The following WWC2 variants were observed in gnomAD, a reference collection of about 807,000 sequenced individuals.
WWC2 encodes the protein WW and C2 domain containing 2.
WWC2 carries 101 observed loss-of-function variants against 138.5 expected under a neutral mutation model. The observed-to-expected ratio is 0.73, with a 90% CI of 0.62 to 0.86. The LOEUF is 0.86. Among genes scored for constraint, WWC2 ranks in the 40% least tolerant of loss-of-function variants. WWC2 has a pLI of 0.00. For synonymous variants in WWC2, 558 were observed against 538.4 expected (o/e 1.04, Z -0.50); for missense variants, 1,420 against 1,419.4 (o/e 1.00, Z -0.01).
intron 1 of WWC2, among the ~76,000 whole-genome samples, chr4:183,156,826 C>T (rs1171941428): frequency 6.6e-6 from 1 of 152,164 alleles, no homozygotes; most frequent in Non-Finnish European, 1.5e-5. Flanking sequence ...CTCATTTACC[C>T]TTTACCCAGA....
chr4:183,277,587 A>G (rs1257883071), intron 16 of WWC2, among the ~76,000 whole-genome samples: 2 of 144,184 alleles, frequency 1.4e-5, no homozygotes, highest in Non-Finnish European at 3.1e-5. Flanking sequence ...ACTAGTTTAC[A>G]GTCCCACCAA....
intron 21 of WWC2, among the ~76,000 whole-genome samples, chr4:183,290,366 A>G (rs1490287040): frequency 6.6e-6 from 1 of 152,068 alleles, no homozygotes; most frequent in Non-Finnish European, 1.5e-5. Context: ...AATATTTAAA[A>G]AATTAGCTGG....
At chr4:183,268,840 G>A (rs1737596313) in intron 14 of WWC2, 131 bp from the exon 15 acceptor site, 2 of 1,030,870 alleles carry the variant, frequency 1.9e-6, no homozygotes, top group Non-Finnish European at 2.8e-6. Flanking sequence ...CGTGATGGCA[G>A]CAACACTTTA....
intron 1 of WWC2, among the ~76,000 whole-genome samples, chr4:183,183,335 TC>T (rs913406167): frequency 1.6e-4 from 25 of 152,172 alleles, no homozygotes; most frequent in African/African-American, 6.0e-4. Context: ...CCTAACAGTC[TC>T]CCTTCCCCCA....
intron 1 of WWC2, among the ~76,000 whole-genome samples, chr4:183,113,339 C>T (rs569702205): frequency 6.6e-6 from 1 of 151,780 alleles, no homozygotes; most frequent in East Asian, 2.0e-4. Context: ...AAAGTAATTG[C>T]TTTCAATGCA....
chr4:183,165,612 T>G (rs1209909111), intron 1 of WWC2, among the ~76,000 whole-genome samples: 1 of 152,196 alleles, frequency 6.6e-6, no homozygotes, highest in Non-Finnish European at 1.5e-5. Context: ...TCCTGTTACA[T>G]AAATGCTACA....
intron 2 of WWC2, among the ~76,000 whole-genome samples, chr4:183,200,940 T>A (rs939016564): frequency 2.6e-5 from 4 of 152,220 alleles, no homozygotes; most frequent in Non-Finnish European, 5.9e-5. Context: ...GAGATGAGGA[T>A]TATTGGGAGT....
intron 2 of WWC2, among the ~76,000 whole-genome samples, chr4:183,196,275 C>T (rs1031320908): frequency 1.3e-5 from 2 of 152,116 alleles, no homozygotes; most frequent in Non-Finnish European, 2.9e-5. Context: ...CTAATACACC[C>T]TACAAACTAT....
chr4:183,221,647 A>C (rs1437901168), intron 4 of WWC2, among the ~76,000 whole-genome samples: 1 of 152,224 alleles, frequency 6.6e-6, no homozygotes, highest in African/African-American at 2.4e-5. Context: ...CTTCTCAATA[A>C]TTCATTGGCC....
At chr4:183,252,800 G>A (rs185022604) in intron 8 of WWC2, among the ~76,000 whole-genome samples, 175 of 152,322 alleles carry the variant, frequency 1.1e-3, no homozygotes, top group Non-Finnish European at 2.1e-3. Flanking sequence ...CTCACATGCA[G>A]CTTAAGGAGA....
chr4:183,132,644 G>T (rs937152877), intron 1 of WWC2, among the ~76,000 whole-genome samples: 1 of 151,800 alleles, frequency 6.6e-6, no homozygotes, highest in Non-Finnish European at 1.5e-5. Flanking sequence ...TAGTAGAGAC[G>T]GGGTTTCACC....
At chr4:183,306,345 T>C (rs527256322) in intron 21 of WWC2, among the ~76,000 whole-genome samples, 136 of 152,168 alleles carry the variant, frequency 8.9e-4, no homozygotes, top group African/African-American at 3.2e-3. Context: ...TTTGTCAGAG[T>C]TGATCAAAAA....
intron 1 of WWC2, among the ~76,000 whole-genome samples, chr4:183,149,620 C>CAACAAGAG: frequency 7.9e-6 from 1 of 126,482 alleles, no homozygotes; most frequent in South Asian, 2.8e-4. Context: ...GAAACTCTGT[C>CAACAAGAG]TAAAAAAAAA....
chr4:183,256,896 C>T (rs369282706), intron 9 of WWC2, among the ~76,000 whole-genome samples: 8 of 104,594 alleles, frequency 7.6e-5, no homozygotes, highest in East Asian at 3.3e-4. Flanking sequence ...CCCCCCCCCC[C>T]CCCCCCCGGC....
chr4:183,146,279 C>T (rs1016092050), intron 1 of WWC2, among the ~76,000 whole-genome samples: 3 of 152,038 alleles, frequency 2.0e-5, no homozygotes, highest in African/African-American at 4.8e-5. Flanking sequence ...TCATTTTCAT[C>T]GTCGGCTTTA....
At chr4:183,210,591 C>A (rs1337242898) in intron 4 of WWC2, among the ~76,000 whole-genome samples, 3 of 152,136 alleles carry the variant, frequency 2.0e-5, no homozygotes, top group Non-Finnish European at 4.4e-5. Context: ...AAAATACAAC[C>A]ATGGCTCACT....
intron 17 of WWC2, chr4:183,281,150 G>T: frequency 4.4e-6 from 2 of 450,896 alleles, no homozygotes; most frequent in Non-Finnish European, 7.4e-6. Context: ...ACTATTTTCT[G>T]AGCCTTTTTT....
intron 14 of WWC2, 102 bp from the exon 15 acceptor site, chr4:183,268,869 C>A: frequency 8.1e-7 from 1 of 1,228,026 alleles, no homozygotes; most frequent in Non-Finnish European, 1.1e-6. Context: ...TTGAACTCCA[C>A]GATCCCTCAT....
chr4:183,214,275 T>A (rs529865809), intron 4 of WWC2, among the ~76,000 whole-genome samples: 238 of 152,304 alleles, frequency 1.6e-3, no homozygotes, highest in African/African-American at 5.5e-3. Flanking sequence ...CACACATTGT[T>A]AATATAGACT....
Sources: allele counts gnomAD v4.1 joint callset (sites outside exome capture counted in the v4.1 genomes callset), GRCh38; gene constraint gnomAD v4.1.1; transcripts MANE v1.5; gene names NCBI Gene and HGNC (gene_info 2026-07-23, HGNC 2026-07-21).